ARHGEF12: variants seen among roughly 807,000 people sequenced by gnomAD.
ARHGEF12 encodes Rho guanine nucleotide exchange factor 12.
Under a neutral mutation model 211.2 loss-of-function variants are expected in ARHGEF12, and 66 were observed. The ratio of observed to expected loss-of-function variants is 0.31; its 90% confidence interval spans 0.26 to 0.38. ARHGEF12 has a LOEUF of 0.38. ARHGEF12 is among the 10% of genes least tolerant of loss of function. ARHGEF12 has a pLI of 1.00. For missense variants in ARHGEF12, 1,429 were observed against 1,869.5 expected, an observed-to-expected ratio of 0.76 and a Z score of 4.34; for synonymous variants, 592 against 638.4, an observed-to-expected ratio of 0.93 and a Z score of 1.09.
At chr11:120,465,642 A>G (rs971672468) in intron 28 of ARHGEF12, among the ~76,000 whole-genome samples, 3 of 152,020 alleles carry the variant, frequency 2.0e-5, no homozygotes, top group African/African-American at 4.8e-5. Flanking sequence ...AATTTTTTCT[A>G]TTTTTAGTAG....
chr11:120,467,050 G>T, intron 28 of ARHGEF12, 144 bp from the exon 29 acceptor site: 1 of 571,016 alleles, frequency 1.8e-6, no homozygotes, highest in Non-Finnish European at 3.1e-6. Context: ...GAAGTATATT[G>T]TGGCAATGAT....
intron 5 of ARHGEF12, 120 bp downstream of exon 5, chr11:120,420,971 G>A: frequency 3.6e-6 from 3 of 831,620 alleles, no homozygotes; most frequent in South Asian, 3.6e-5. Context: ...GTGGACTATT[G>A]TGCTAGATTC....
intron 1 of ARHGEF12, among the ~76,000 whole-genome samples, chr11:120,363,162 T>C (rs541347304): frequency 6.6e-6 from 1 of 152,356 alleles, no homozygotes; most frequent in East Asian, 1.9e-4. Context: ...GGCAAATGAA[T>C]GTACATTTAC....
Position 120,481,526 on chromosome 11 carries a change from C to A in ARHGEF12, c.4504C>A (p.Gln1502Lys), listed in dbSNP as rs755443657. ...SPSSCADSQS[Q>K]IMEYIHKIEA... Reference sequence around the variant, plus strand: ...CTCCTCTTGTGCAGATTCACAGAGCCAGATCATGGAGTACATTCATAAGAT... The same window carrying A: ...CTCCTCTTGTGCAGATTCACAGAGCAAGATCATGGAGTACATTCATAAGAT... Residue 1502 changes from glutamine to lysine, a missense_variant, in exon 39 of 41, where the codon CAG (glutamine) becomes AAG (lysine). By Grantham distance (53) the Gln-to-Lys change is moderately conservative. Around this residue, in one of 7 missense-constraint regions of ARHGEF12, gnomAD observed 467 missense variants for 468.4 expected, o/e 1.00. Transcript: ENST00000397843. The A allele has an allele frequency of 3.1e-6, 5 of 1,614,086 alleles. No individual in the cohort carries two copies. The East Asian group carries it at 1.1e-4, about 36-fold the overall frequency.
At position 120,336,523 on chromosome 11, in the gene ARHGEF12, G is replaced by C. The variant is rs1393087532; in HGVS notation, c.-721G>C. Among the ~76,000 whole-genome samples, 9 of 151,950 alleles carry C rather than the reference G, an allele frequency of 5.9e-5. No homozygotes were observed. The highest frequency in any genetic ancestry group is 5.9e-4 in the Admixed American group (9 of 15,276). ...TCTCCCGCCCCTCGCGGGGAGCGTC[G>C]GGGAGGAGCCGCCGCCTCTGGCGAT... On this transcript the variant is annotated 5_prime_UTR_variant, in exon 1 of 41. Transcript: ENST00000397843.
At chr11:120,464,585 A>C (rs1946642853) in intron 27 of ARHGEF12, 1 of 152,114 alleles carries the variant, frequency 6.6e-6, no homozygotes, top group Non-Finnish European at 1.5e-5. Flanking sequence ...GTCTGAAAAA[A>C]AAAAAAATGA....
chr11:120,422,731 C>G (rs1945230084), intron 6 of ARHGEF12, among the ~76,000 whole-genome samples: 1 of 152,064 alleles, frequency 6.6e-6, no homozygotes, highest in Admixed American at 6.5e-5. Context: ...GATTATTCTT[C>G]CAGATGAACT....
At position 120,445,403 on chromosome 11, in the gene ARHGEF12, T is replaced by A; in HGVS notation, c.1303-19T>A. 3 of 1,613,914 alleles carry A rather than the reference T, an allele frequency of 1.9e-6. No homozygotes were observed. Among genetic ancestry groups the A allele is most frequent in the Non-Finnish European group, 2.5e-6 (3 of 1,179,762 alleles). ...ATATCTTTAGCGTTGTTACACCTTT[T>A]GTTTGCATTTCATTTTAGCACCTGA... is the stretch of plus-strand genomic sequence containing the variant. On this transcript the variant is annotated intron_variant, in intron 15 of 40. Coordinates refer to ENST00000397843, the MANE Select transcript of ARHGEF12 (RefSeq NM_015313.3).
chr11:120,374,990 A>G (rs1415576395), intron 1 of ARHGEF12, among the ~76,000 whole-genome samples: 5 of 152,208 alleles, frequency 3.3e-5, no homozygotes, highest in African/African-American at 1.2e-4. Flanking sequence ...ATTTGTCAAC[A>G]AAATGAACGA....
At chr11:120,344,265 CAAAAAAAAAAAAAAAAA>C (rs71473103) in intron 1 of ARHGEF12, among the ~76,000 whole-genome samples, 1 of 53,014 alleles carries the variant, frequency 1.9e-5, no homozygotes, top group Non-Finnish European at 3.3e-5. Context: ...GACTCCGTCT[CAAAAAAAAAAAAAAAAA>C]AAAAAAAAAA....
intron 20 of ARHGEF12, chr11:120,448,624 G>T: frequency 2.4e-6 from 1 of 416,056 alleles, no homozygotes; most frequent in South Asian, 4.0e-5. Flanking sequence ...CTTTTACTTT[G>T]CCTAAACTAA....
intron 3 of ARHGEF12, 121 bp from the exon 4 acceptor site, chr11:120,409,273 A>G (rs1311927948): frequency 2.3e-6 from 2 of 879,452 alleles, no homozygotes; most frequent in Non-Finnish European, 3.6e-6. Flanking sequence ...TGTTATGTTC[A>G]TACTTTGTGT....
In ARHGEF12 at chr11:120,459,324, A is replaced by G. The variant is rs1270459925; in HGVS notation, c.2527+4A>G. 1.9e-6 allele frequency: 3 copies of G among 1,610,880 alleles called. No individual in the cohort carries two copies. Among genetic ancestry groups the G allele is most frequent in the Non-Finnish European group, 2.5e-6 (3 of 1,178,542 alleles). On this transcript the variant is annotated splice_donor_region_variant and intron_variant, in intron 26 of 40. Transcript: ENST00000397843. ...GAAGATATTCTTCAACTTCATAGTA[A>G]GAGAAATTAGCTCTGATCTTTGCCC...
Position 120,442,202 on chromosome 11 carries a change from A to C in ARHGEF12, c.1302A>C (p.Ala434=). 6.2e-7 allele frequency: 1 copy of C among 1,600,380 alleles called. No homozygotes were observed. The highest frequency in any genetic ancestry group is 8.5e-7 in the Non-Finnish European group (1 of 1,173,680). Residue 434 remains alanine (A), a splice_region_variant and synonymous_variant, in exon 15 of 41, where the codon GCA becomes GCC. Coordinates refer to ENST00000397843, the MANE Select transcript of ARHGEF12 (RefSeq NM_015313.3). Reference sequence around the variant, plus strand: ...ATCAGTTCTTTCTAGATCGATCAGCAGTAAGTTGCCAAGTTAATGTTGTAA... The same window carrying C: ...ATCAGTTCTTTCTAGATCGATCAGCCGTAAGTTGCCAAGTTAATGTTGTAA... ...EFHQFFLDRS[A]HLKVSVPDEM...
intron 4 of ARHGEF12, among the ~76,000 whole-genome samples, chr11:120,413,814 T>C (rs1161998448): frequency 2.0e-5 from 3 of 152,216 alleles, no homozygotes; most frequent in Non-Finnish European, 2.9e-5. Context: ...TAGAGAAGTT[T>C]GGTCATGAAA....
Position 120,447,008 on chromosome 11 carries a change from G to A in ARHGEF12, c.1512G>A (p.Glu504=), listed in dbSNP as rs1946066495. The change falls in exon 18 of 41, where the codon GAG becomes GAA. Residue 504 remains glutamate (E), a synonymous_variant. Transcript: ENST00000397843. ...GCGAGCTGACTAAACTTGATGCAGA[G>A]CGAGACAAGGACCGATTGACTTTGG... ...AESELTKLDA[E]RDKDRLTLEK... 3 of 1,614,234 alleles carry A rather than the reference G, an allele frequency of 1.9e-6. No homozygotes were observed. The highest frequency in any genetic ancestry group is 2.5e-6 in the Non-Finnish European group (3 of 1,180,044).
At chr11:120,337,892 A>C (rs1942405317) in intron 1 of ARHGEF12, 3 of 985,404 alleles carry the variant, frequency 3.0e-6, no homozygotes, top group Non-Finnish European at 3.6e-6. Context: ...GTTTGCTTTT[A>C]ATTCTTGTAT....
At position 120,469,381 on chromosome 11, in the gene ARHGEF12, A is replaced by G; in HGVS notation, c.2948A>G (p.Asn983Ser). 6.2e-7 allele frequency: 1 copy of G among 1,611,266 alleles called. No homozygotes were observed. The highest frequency in any genetic ancestry group is 8.5e-7 in the Non-Finnish European group (1 of 1,178,424). Residue 983 changes from asparagine (N) to serine (S), a missense_variant, in exon 30 of 41, where the codon AAC becomes AGC. Around this residue, in one of 7 missense-constraint regions of ARHGEF12, gnomAD observed 223 missense variants for 444.6 expected, o/e 0.50. Coordinates refer to ENST00000397843, the MANE Select transcript of ARHGEF12 (RefSeq NM_015313.3). The part of the protein sequence containing the change: ...YVNQAVKEAE[N>S]KQRLEDYQRR... ...AATCAGGCTGTCAAGGAGGCAGAAA[A>G]CAAGCAGGTAAAAAAGGAAAACAAG...
chr11:120,412,820 T>G lies in ARHGEF12; in HGVS notation c.199+3370T>G, dbSNP rs79793666. Reference sequence around the variant, plus strand: ...TTTTCCACTCACCTAGTCTTATATTTCCTTAAAGTTATATTTGACTTCTCC... The same window carrying G: ...TTTTCCACTCACCTAGTCTTATATTGCCTTAAAGTTATATTTGACTTCTCC... On this transcript the variant is annotated intron_variant, in intron 4 of 40. Coordinates refer to ENST00000397843, the MANE Select transcript of ARHGEF12 (RefSeq NM_015313.3). Among the ~76,000 whole-genome samples the G allele has an allele frequency of 8.9e-3, 1,357 of 152,270 alleles. 90 individuals carry two copies. The South Asian group carries it at 0.16, about 18-fold the overall frequency.
Sources: gnomAD v4.1 joint callset for allele counts (sites outside exome capture counted in the v4.1 genomes callset) on GRCh38, gnomAD v4.1.1 for gene constraint, gnomAD v4.1.1 regional missense constraint, MANE v1.5 for transcripts, NCBI Gene and HGNC (gene_info 2026-07-23, HGNC 2026-07-21) for gene names.